Variants in DLG2 observed in about 807,000 individuals in gnomAD.
DLG2 encodes the protein disks large homolog 2.
Under a neutral mutation model 132.5 loss-of-function variants are expected in DLG2, and 45 were observed. The observed-to-expected ratio is 0.34, with a 90% CI of 0.27 to 0.44. The LOEUF is 0.44. Ranked by LOEUF, DLG2 falls within the 20% of genes least tolerant of loss-of-function variation. The pLI is 1.00. For synonymous variants in DLG2, 424 were observed against 419.6 expected (o/e 1.01, Z -0.13); for missense variants, 1,045 against 1,196.9 (o/e 0.87, Z 1.87).
chr11:83,724,476 T>TGTGTGAGAGAGAGAGA (rs762050933), intron 18 of DLG2, among the ~76,000 whole-genome samples: 114 of 118,214 alleles, frequency 9.6e-4, no homozygotes, highest in East Asian at 2.2e-3. Flanking sequence ...TGTGTGTGTG[T>TGTGTGAGAGAGAGAGA]GAGAGAGAGA....
At chr11:84,516,380 A>C (rs1281100695) in intron 7 of DLG2, among the ~76,000 whole-genome samples, 1 of 151,604 alleles carries the variant, frequency 6.6e-6, no homozygotes, top group African/African-American at 2.4e-5. Context: ...GTCAAACATG[A>C]AAAAGAAGAT....
intron 11 of DLG2, among the ~76,000 whole-genome samples, chr11:84,050,113 C>A (rs2096333038): frequency 6.7e-6 from 1 of 149,944 alleles, no homozygotes; most frequent in Non-Finnish European, 1.5e-5. Flanking sequence ...TCACAGAGTG[C>A]CTAAAATGCT....
chr11:85,047,011 T>C (rs2062410639), intron 6 of DLG2, among the ~76,000 whole-genome samples: 1 of 151,972 alleles, frequency 6.6e-6, no homozygotes, highest in African/African-American at 2.4e-5. Flanking sequence ...TACTTTTCCA[T>C]AGAACACAGT....
intron 3 of DLG2, among the ~76,000 whole-genome samples, chr11:85,523,418 A>G (rs2074473327): frequency 6.6e-6 from 1 of 152,212 alleles, no homozygotes; most frequent in Admixed American, 6.5e-5. Context: ...AAAATGGGAA[A>G]AAGATCTAAA....
intron 17 of DLG2, among the ~76,000 whole-genome samples, chr11:83,795,992 C>A (rs548946862): frequency 1.3e-5 from 2 of 152,240 alleles, no homozygotes; most frequent in South Asian, 4.1e-4. Context: ...TGGAAAACTT[C>A]TTCTAGTTCT....
chr11:83,810,982 C>T lies in DLG2; in HGVS notation c.1722+22632G>A, dbSNP rs549372762. Reference sequence around the variant, plus strand: ...ATGTACCCATAACTCCAAGTCCTGACGCTAACTGGTATTGTATTTTGGAGA... The same window carrying T: ...ATGTACCCATAACTCCAAGTCCTGATGCTAACTGGTATTGTATTTTGGAGA... On this transcript the variant is annotated intron_variant, in intron 17 of 27. Coordinates refer to ENST00000376104, the MANE Select transcript of DLG2 (RefSeq NM_001142699.3). Among the ~76,000 whole-genome samples the T allele has an allele frequency of 1.9e-3, 290 of 152,152 alleles. 1 individual carries two copies. The highest frequency in any genetic ancestry group is 6.5e-3 in the African/African-American group (270 of 41,554).
intron 9 of DLG2, among the ~76,000 whole-genome samples, chr11:84,128,057 A>T (rs1009759234): frequency 2.0e-5 from 3 of 152,212 alleles, no homozygotes; most frequent in Non-Finnish European, 4.4e-5. Context: ...GGAGGCAGGA[A>T]CATTTTACTT....
At chr11:83,472,559 G>C (rs1343781644) in intron 23 of DLG2, among the ~76,000 whole-genome samples, 168 bp downstream of exon 23, 2 of 151,998 alleles carry the variant, frequency 1.3e-5, no homozygotes, top group Non-Finnish European at 2.9e-5. Flanking sequence ...TTGGTGATAG[G>C]GTCAAAGAGA....
chr11:83,578,421 T>C (rs2096917670), intron 19 of DLG2, among the ~76,000 whole-genome samples: 1 of 152,058 alleles, frequency 6.6e-6, no homozygotes, highest in Non-Finnish European at 1.5e-5. Flanking sequence ...AACAATCATG[T>C]CAACTGTAAA....
chr11:85,213,326 G>C (rs1442160703), intron 4 of DLG2, among the ~76,000 whole-genome samples: 2 of 151,608 alleles, frequency 1.3e-5, no homozygotes. Context: ...ATTTTAGGGA[G>C]ACATAAGGCA....
At chr11:85,452,550 G>T in intron 3 of DLG2, 1 of 203,688 alleles carries the variant, frequency 4.9e-6, no homozygotes, top group Non-Finnish European at 1.1e-5. Flanking sequence ...CACTGCCATA[G>T]CCTCCAACAC....
At chr11:83,484,002 C>T in intron 22 of DLG2, 127 bp downstream of exon 22, 1 of 736,364 alleles carries the variant, frequency 1.4e-6, no homozygotes, top group Non-Finnish European at 2.4e-6. Context: ...AGTAGTAGAC[C>T]TGCCCTGCCT....
chr11:84,041,219 T>C (rs1446279910), intron 11 of DLG2, among the ~76,000 whole-genome samples: 1 of 152,014 alleles, frequency 6.6e-6, no homozygotes, highest in East Asian at 1.9e-4. Context: ...TTTAGATTTT[T>C]TTGGTTCGAT....
chr11:83,865,026 C>T lies in DLG2; in HGVS notation c.1565+9394G>A, dbSNP rs545329297. Among the ~76,000 whole-genome samples, 89 of 152,176 alleles carry T rather than the reference C, an allele frequency of 5.8e-4. 1 individual carries two copies. Among genetic ancestry groups the T allele is most frequent in the South Asian group, 2.5e-3 (12 of 4,810 alleles). On this transcript the variant is annotated intron_variant, in intron 16 of 27. Coordinates refer to ENST00000376104, the MANE Select transcript of DLG2 (RefSeq NM_001142699.3). ...CAATCCAAGGTCAAATTTATTGTCCCGCAAATATTCATCAGATAAGACTAA... is the reference window on the plus strand; with the variant it reads ...CAATCCAAGGTCAAATTTATTGTCCTGCAAATATTCATCAGATAAGACTAA...
At chr11:84,985,689 C>A (rs114185386) in intron 6 of DLG2, among the ~76,000 whole-genome samples, 1,756 of 152,036 alleles carry the variant, frequency 0.012, 34 homozygotes, top group African/African-American at 0.04. Flanking sequence ...AAACAAAAAG[C>A]AGGTTCTTTG....
intron 4 of DLG2, among the ~76,000 whole-genome samples, chr11:85,264,175 C>T (rs767011916): frequency 5.3e-5 from 8 of 152,098 alleles, no homozygotes; most frequent in Non-Finnish European, 1.0e-4. Context: ...TATTAGGACT[C>T]CACAGAGGAA....
intron 15 of DLG2, among the ~76,000 whole-genome samples, chr11:83,911,468 T>A (rs1255989200): frequency 6.6e-6 from 1 of 152,128 alleles, no homozygotes; most frequent in South Asian, 2.1e-4. Context: ...CTAAGGTTTT[T>A]TTTTCTTTCA....
At chr11:85,439,607 C>T (rs546602978) in intron 3 of DLG2, among the ~76,000 whole-genome samples, 1 of 152,224 alleles carries the variant, frequency 6.6e-6, no homozygotes, top group African/African-American at 2.4e-5. Flanking sequence ...GATGTACCCG[C>T]CTCGGCCTCC....
chr11:84,243,254 G>A (rs1005675570), intron 8 of DLG2, among the ~76,000 whole-genome samples: 1 of 152,084 alleles, frequency 6.6e-6, no homozygotes, highest in Non-Finnish European at 1.5e-5. Context: ...TAGTGCAACT[G>A]AGGAATGAAT....
Sources: allele counts gnomAD v4.1 joint callset (sites outside exome capture counted in the v4.1 genomes callset), GRCh38; gene constraint gnomAD v4.1.1; transcripts MANE v1.5; gene names NCBI Gene and HGNC (gene_info 2026-07-23, HGNC 2026-07-21).